The following PLA2G4B variants were observed in gnomAD, a reference collection of about 807,000 sequenced individuals.
PLA2G4B encodes cytosolic phospholipase A2 beta.
In PLA2G4B, 122 loss-of-function variants were observed where a neutral mutation model predicts 95.8. The observed-to-expected ratio is 1.27, with a 90% CI of 1.10 to 1.48. PLA2G4B has a LOEUF of 1.48. PLA2G4B is among the 40% of genes most tolerant of loss of function. The pLI, the probability that PLA2G4B is intolerant of heterozygous loss-of-function variation, is 0.00. For missense variants in PLA2G4B, 1,158 were observed against 996.2 expected (o/e 1.16, Z -2.19); for synonymous variants, 518 against 421.5 (o/e 1.23, Z -2.80).
rs1300269387 is a variant in PLA2G4B, at chr15:41,846,845, G to A, written c.1947+10G>A. 1.3e-6 allele frequency: 2 copies of A among 1,597,130 alleles called. No individual in the cohort carries two copies. Among genetic ancestry groups the A allele is most frequent in the Non-Finnish European group, 1.7e-6 (2 of 1,167,362 alleles). ...CCACGGAGCCTTCCAGGTTGGGAAG[G>A]GTGGGCAGCCCACCAGGGAGGCGGT... is the stretch of plus-strand genomic sequence containing the variant. On this transcript the variant is annotated intron_variant, in intron 18 of 19. Coordinates refer to ENST00000458483, the MANE Select transcript of PLA2G4B (RefSeq NM_001114633.2).
intron 1 of PLA2G4B, chr15:41,839,858 A>G (rs926697263): frequency 2.0e-5 from 7 of 348,394 alleles, no homozygotes; most frequent in Non-Finnish European, 3.2e-5. Context: ...TCTGTGCCTC[A>G]GTTTCCTTGT....
At chr15:41,839,032 G>C (rs978782282) in intron 1 of PLA2G4B, 110 bp downstream of exon 1, 1 of 889,306 alleles carries the variant, frequency 1.1e-6, no homozygotes, top group Non-Finnish European at 1.7e-6. Flanking sequence ...GTAGGGAGGG[G>C]AGTTTATTGA....
intron 11 of PLA2G4B, among the ~76,000 whole-genome samples, chr15:41,844,141 G>A (rs2065487756): frequency 6.6e-6 from 1 of 152,162 alleles, no homozygotes; most frequent in South Asian, 2.1e-4. Flanking sequence ...AGCCTGGGCC[G>A]TCTCCTGGGG....
At chr15:41,845,387 T>G in intron 14 of PLA2G4B, 67 bp downstream of exon 14, 4 of 1,559,396 alleles carry the variant, frequency 2.6e-6, no homozygotes, top group Non-Finnish European at 3.5e-6. Flanking sequence ...ACGAGGACTG[T>G]GTGCAGATTG....
At chr15:41,838,970 AC>A in intron 1 of PLA2G4B, 48 bp downstream of exon 1, 1 of 1,483,692 alleles carries the variant, frequency 6.7e-7, no homozygotes. Context: ...CCTGGTCTCT[AC>A]CTGGGGCCTA....
chr15:41,840,464 T>C, intron 2 of PLA2G4B, 60 bp from the exon 3 acceptor site: 1 of 1,610,618 alleles, frequency 6.2e-7, no homozygotes, highest in Non-Finnish European at 8.5e-7. Flanking sequence ...TGGAAGGAAG[T>C]GGGTCTGGGC....
chr15:41,843,855 G>A (rs1339539993), intron 11 of PLA2G4B, 44 bp downstream of exon 11: 2 of 1,603,964 alleles, frequency 1.2e-6, no homozygotes, highest in African/African-American at 1.3e-5. Flanking sequence ...GCTTGCTTGG[G>A]CCTAGCTCCT....
At position 41,846,705 on chromosome 15, in the gene PLA2G4B, C is replaced by T. The variant is rs1427490392; in HGVS notation, c.1817C>T (p.Pro606Leu). Residue 606 changes from proline (P) to leucine (L), a missense_variant, in exon 18 of 20, where the codon CCC becomes CTC. Coordinates refer to ENST00000458483, the MANE Select transcript of PLA2G4B (RefSeq NM_001114633.2). ...TLDGLPNQLT[P>L]SEPHLCLLDV... The stretch of plus-strand genomic sequence containing the variant: ...GATGGGCTCCCCAACCAGCTGACAC[C>T]CTCGGAGCCCCACCTGTGCCTGCTG... 14 of 1,613,614 alleles carry T rather than the reference C, an allele frequency of 8.7e-6. No individual in the cohort carries two copies. Among genetic ancestry groups the T allele is most frequent in the East Asian group, 2.2e-5 (1 of 44,882 alleles).
intron 11 of PLA2G4B, 113 bp from the exon 12 acceptor site, chr15:41,844,358 G>C: frequency 2.6e-6 from 4 of 1,539,064 alleles, no homozygotes; most frequent in Non-Finnish European, 3.5e-6. Context: ...CAAGACCTGT[G>C]ATCAGGCCTT....
chr15:41,847,680 T>G lies in PLA2G4B; in HGVS notation c.2166T>G (p.Ala722=). The G allele has an allele frequency of 1.2e-6, 2 of 1,613,588 alleles. No individual in the cohort carries two copies. Among genetic ancestry groups the G allele is most frequent in the Non-Finnish European group, 1.7e-6 (2 of 1,180,022 alleles). ...GGCGGACACCCGAGGAGGCGGCAGCTGGGGAGGTGAACCTGTCTTCATCGG... is the reference window on the plus strand; with the variant it reads ...GGCGGACACCCGAGGAGGCGGCAGCGGGGGAGGTGAACCTGTCTTCATCGG... ...GVRRTPEEAA[A]GEVNLSSSDS... is the part of the protein sequence containing the mutation. Residue 722 remains alanine (A), a synonymous_variant, in exon 20 of 20, where the codon GCT becomes GCG. Transcript: ENST00000458483.
Position 41,844,864 on chromosome 15 carries a change from T to C in PLA2G4B, c.1033T>C (p.Tyr345His). The C allele has an allele frequency of 1.9e-6, 3 of 1,607,454 alleles. No homozygotes were observed. The highest frequency in any genetic ancestry group is 2.5e-6 in the Non-Finnish European group (3 of 1,177,358). ...SGSTWALANL[Y>H]EDPEWSQKDL... is the part of the protein sequence containing the mutation. Reference sequence around the variant, plus strand: ...TTTTCCCAGGGCCTTGGCCAACCTTTATGAGGACCCAGAGTGGTCTCAGAA... The same window carrying C: ...TTTTCCCAGGGCCTTGGCCAACCTTCATGAGGACCCAGAGTGGTCTCAGAA... The change falls in exon 13 of 20, where the codon TAT (tyrosine) becomes CAT (histidine). Residue 345 changes from tyrosine to histidine, a missense_variant. Coordinates refer to ENST00000458483, the MANE Select transcript of PLA2G4B (RefSeq NM_001114633.2).
intron 17 of PLA2G4B, 31 bp from the exon 18 acceptor site, chr15:41,846,638 G>A (rs1190053803): frequency 1.9e-6 from 3 of 1,577,516 alleles, no homozygotes; most frequent in Non-Finnish European, 1.7e-6. Flanking sequence ...CTTGGTATCT[G>A]TGACAATTGC....
In PLA2G4B at chr15:41,841,964, T is replaced by C. The variant is rs759348997; in HGVS notation, c.621+15T>C. On this transcript the variant is annotated intron_variant, in intron 8 of 19. Coordinates refer to ENST00000458483, the MANE Select transcript of PLA2G4B (RefSeq NM_001114633.2). ...TTCGCCTGCAGGTAGTGTGCCTCGCTCCCTCGAGGTGGGGCCCCCAGAACT... is the reference window on the plus strand; with the variant it reads ...TTCGCCTGCAGGTAGTGTGCCTCGCCCCCTCGAGGTGGGGCCCCCAGAACT... The C allele has an allele frequency of 1.7e-5, 28 of 1,605,526 alleles. No homozygotes were observed. The African/African-American group carries it at 3.5e-4, about 20-fold the overall frequency.
chr15:41,840,749 G>A (rs1192049513), intron 3 of PLA2G4B, 25 bp from the exon 4 acceptor site: 1 of 1,611,330 alleles, frequency 6.2e-7, no homozygotes, highest in African/African-American at 1.3e-5. Context: ...CCCTCCTGCA[G>A]CCCTGTCACT....
rs780611059 is a variant in PLA2G4B at position 41,840,793 on chromosome 15, T to C, written c.239T>C (p.Val80Ala). The C allele has an allele frequency of 1.9e-6, 3 of 1,613,900 alleles. No individual in the cohort carries two copies. The highest frequency in any genetic ancestry group is 1.1e-5 in the South Asian group (1 of 91,082). ...RQLKNVMELK[V>A]FDQDLVTGDD... ...CTCCAGAATGTCATGGAACTGAAAG[T>C]CTTTGACCAGGACCTGGTGACCGGA... Residue 80 changes from valine (V) to alanine (A), a missense_variant, in exon 4 of 20, where the codon GTC becomes GCC. Val to Ala is a moderately conservative substitution (Grantham distance 64, BLOSUM62 0). Transcript: ENST00000458483.
rs2065616284 is a variant in PLA2G4B, at chr15:41,848,122, A to C, written c.*262A>C. The C allele has an allele frequency of 3.5e-6, 2 of 578,690 alleles. No homozygotes were observed. Among genetic ancestry groups the C allele is most frequent in the Non-Finnish European group, 3.1e-6 (1 of 324,712 alleles). The allele number at this position is 578,690 out of a possible 1,614,324, so 35.8% of individuals were successfully genotyped here. A position where few individuals can be genotyped will look rare whatever the true frequency, so the allele number is the denominator to read the frequency against. ...CTACCTTGAGTAGTTGGAGCACTTGATACATCACAGACTCATACAAATGTG... is the reference window on the plus strand; with the variant it reads ...CTACCTTGAGTAGTTGGAGCACTTGCTACATCACAGACTCATACAAATGTG... On this transcript the variant is annotated 3_prime_UTR_variant, in exon 20 of 20. Coordinates refer to ENST00000458483, the MANE Select transcript of PLA2G4B (RefSeq NM_001114633.2).
At chr15:41,839,312 C>G (rs958714554) in intron 1 of PLA2G4B, 2 of 167,754 alleles carry the variant, frequency 1.2e-5, no homozygotes, top group East Asian at 1.7e-4. Context: ...TGCCCTGGAC[C>G]TGGTTGCTCC....
In PLA2G4B at chr15:41,846,293, G is replaced by A. The variant is rs147314177; in HGVS notation, c.1691G>A (p.Arg564His). Residue 564 changes from arginine (R) to histidine (H), a missense_variant, in exon 17 of 20, where the codon CGT becomes CAT. Arg to His is a conservative substitution (Grantham distance 29, BLOSUM62 0). Coordinates refer to ENST00000458483, the MANE Select transcript of PLA2G4B (RefSeq NM_001114633.2). ...TTTTTCACCGATCTTCTGACGTGGC[G>A]TCCACTGGCCCAGGCCACACATAAT... is the stretch of plus-strand genomic sequence containing the variant. ...AEFFTDLLTW[R>H]PLAQATHNFL... 4.6e-4 allele frequency: 738 copies of A among 1,614,050 alleles called. 4 individuals are homozygous for A. In the Admixed American group the frequency reaches 8.2e-3, roughly 18 times the overall value.
rs1156869612 is a variant in PLA2G4B, at chr15:41,842,384, G to A, written c.705+108G>A. On this transcript the variant is annotated intron_variant, in intron 9 of 19. Transcript: ENST00000458483. The stretch of plus-strand genomic sequence containing the variant: ...TCTCCGTGGGTCACACCCTGAGCAG[G>A]TGCTGGGGCCAGGCTCTTTGGGGAG... The A allele has an allele frequency of 8.4e-6, 13 of 1,555,204 alleles. No homozygotes were observed. In the East Asian group the frequency reaches 1.1e-4, roughly 14 times the overall value.
Sources: allele counts gnomAD v4.1 joint callset (sites outside exome capture counted in the v4.1 genomes callset), GRCh38; gene constraint gnomAD v4.1.1; transcripts MANE v1.5; gene names NCBI Gene and HGNC (gene_info 2026-07-23, HGNC 2026-07-21).